Variants in ZNF438 observed in about 807,000 individuals in gnomAD.
The protein encoded by ZNF438 is zinc finger protein 438.
Under a neutral mutation model 38.0 loss-of-function variants are expected in ZNF438, and 25 were observed. That is an observed-to-expected ratio of 0.66 (90% CI 0.48 to 0.92). ZNF438 has a LOEUF of 0.92. Ranked by LOEUF, ZNF438 falls within the 40% of genes least tolerant of loss-of-function variation. ZNF438 has a pLI of 0.00. For missense variants in ZNF438, 1,007 were observed against 999.6 expected, an observed-to-expected ratio of 1.01 and a Z score of -0.10; for synonymous variants, 372 against 364.1, an observed-to-expected ratio of 1.02 and a Z score of -0.25.
At chr10:31,004,796 AGAAATGTG>A (rs972999658) in intron 1 of ZNF438, among the ~76,000 whole-genome samples, 11 of 152,338 alleles carry the variant, frequency 7.2e-5, no homozygotes, top group African/African-American at 2.4e-4. Flanking sequence ...AGTGATAAGT[AGAAATGTG>A]GGGGAGGGGG....
chr10:30,902,972 G>A (rs2042195684), intron 3 of ZNF438, among the ~76,000 whole-genome samples: 1 of 119,840 alleles, frequency 8.3e-6, no homozygotes, highest in African/African-American at 3.5e-5. Context: ...CTAAGGACCG[G>A]GGAGAAATCG....
chr10:30,865,858 CT>C (rs1422559426), intron 4 of ZNF438, among the ~76,000 whole-genome samples: 7 of 152,196 alleles, frequency 4.6e-5, no homozygotes, highest in Admixed American at 1.3e-4. Flanking sequence ...AGTTTCCTCT[CT>C]TTAGCAAGAG....
chr10:30,936,449 A>G (rs137998686), intron 2 of ZNF438, among the ~76,000 whole-genome samples: 12,067 of 152,060 alleles, frequency 0.079, 566 homozygotes, highest in Non-Finnish European at 0.11. Flanking sequence ...CAAGGCAGGC[A>G]GATCACCTGA....
intron 4 of ZNF438, among the ~76,000 whole-genome samples, chr10:30,855,181 G>C (rs899088384): frequency 1.3e-5 from 2 of 152,164 alleles, no homozygotes; most frequent in African/African-American, 4.8e-5. Context: ...AGGAAAAGGA[G>C]GCCACTGTGG....
At chr10:30,913,629 G>A (rs968551840) in intron 2 of ZNF438, among the ~76,000 whole-genome samples, 2 of 152,060 alleles carry the variant, frequency 1.3e-5, no homozygotes, top group African/African-American at 2.4e-5. Flanking sequence ...AAGTATCTTA[G>A]TCAGCCTAGA....
chr10:30,882,613 T>G (rs777211297), intron 3 of ZNF438, among the ~76,000 whole-genome samples: 1 of 152,220 alleles, frequency 6.6e-6, no homozygotes, highest in African/African-American at 2.4e-5. Context: ...TGATTCTACT[T>G]GCATAAGATT....
chr10:30,857,255 TTTC>T (rs1168267599), intron 4 of ZNF438, among the ~76,000 whole-genome samples: 350 of 128,836 alleles, frequency 2.7e-3, no homozygotes, highest in African/African-American at 9.1e-3. Flanking sequence ...TATTCTAAAA[TTTC>T]TTTTTTTTTT....
At chr10:30,951,660 G>C (rs1026490333) in intron 1 of ZNF438, among the ~76,000 whole-genome samples, 4 of 152,066 alleles carry the variant, frequency 2.6e-5, no homozygotes, top group African/African-American at 9.7e-5. Context: ...TTGCTTCAAA[G>C]AGAATAAAAT....
chr10:30,897,540 T>A (rs1185526298), intron 3 of ZNF438, among the ~76,000 whole-genome samples: 1 of 152,144 alleles, frequency 6.6e-6, no homozygotes, highest in Admixed American at 6.5e-5. Context: ...CCCTTAAATC[T>A]ATCACCACCC....
At chr10:30,999,994 T>C (rs2054481472) in intron 1 of ZNF438, among the ~76,000 whole-genome samples, 2 of 152,240 alleles carry the variant, frequency 1.3e-5, no homozygotes, top group African/African-American at 2.4e-5. Context: ...AAGGAATAGG[T>C]ATATTTTCTA....
chr10:30,855,423 G>A (rs1435602793), intron 4 of ZNF438, among the ~76,000 whole-genome samples: 1 of 152,200 alleles, frequency 6.6e-6, no homozygotes, highest in African/African-American at 2.4e-5. Flanking sequence ...AGAGTTTGTG[G>A]GGTGAAAAGA....
chr10:30,877,969 G>T (rs960444691), intron 3 of ZNF438, among the ~76,000 whole-genome samples: 1 of 152,138 alleles, frequency 6.6e-6, no homozygotes, highest in Non-Finnish European at 1.5e-5. Flanking sequence ...GAGTAACAGA[G>T]ACCAGATTCA....
chr10:30,952,190 C>T (rs1345949398), intron 1 of ZNF438, among the ~76,000 whole-genome samples: 1 of 151,536 alleles, frequency 6.6e-6, no homozygotes, highest in Non-Finnish European at 1.5e-5. Flanking sequence ...GGAAAACTGG[C>T]TAGACATATG....
intron 1 of ZNF438, among the ~76,000 whole-genome samples, chr10:30,961,234 TAATA>T (rs1412585444): frequency 9.2e-6 from 1 of 108,344 alleles, no homozygotes; most frequent in African/African-American, 3.1e-5. Context: ...ACTTAGAGTA[TAATA>T]AATAAAAAAA....
intron 1 of ZNF438, among the ~76,000 whole-genome samples, chr10:30,953,367 C>G (rs1298834930): frequency 6.6e-6 from 1 of 150,854 alleles, no homozygotes; most frequent in Non-Finnish European, 1.5e-5. Context: ...CTAACCTGCA[C>G]AATGTGCACA....
intron 1 of ZNF438, among the ~76,000 whole-genome samples, chr10:30,958,586 C>T (rs2049123956): frequency 6.8e-6 from 1 of 146,692 alleles, no homozygotes; most frequent in African/African-American, 2.4e-5. Flanking sequence ...AATCATTGTC[C>T]ATTGAACAGG....
rs183808305 is a variant in ZNF438, at chr10:30,981,617, C to T, written c.-191-39966G>A. On this transcript the variant is annotated intron_variant, in intron 1 of 5. Transcript: ENST00000413025. ...TTCAGGCCGGGCGTGATGGCTCACA[C>T]CTGTAATCCCAGCACTTTGGGAGGC... Among the ~76,000 whole-genome samples the T allele has an allele frequency of 1.6e-4, 25 of 152,308 alleles. No homozygotes were observed. The East Asian group carries it at 4.8e-3, about 29-fold the overall frequency.
intron 4 of ZNF438, among the ~76,000 whole-genome samples, chr10:30,875,680 C>G (rs1406858006): frequency 6.6e-6 from 1 of 152,180 alleles, no homozygotes; most frequent in African/African-American, 2.4e-5. Context: ...CCCTAGTGTT[C>G]CCGGCTGGAT....
intron 3 of ZNF438, among the ~76,000 whole-genome samples, chr10:30,894,883 C>A (rs184715600): frequency 2.0e-5 from 3 of 152,112 alleles, no homozygotes; most frequent in Admixed American, 2.0e-4. Context: ...TATAAATGGC[C>A]ATGTTGCTAG....
Sources: allele counts gnomAD v4.1 joint callset (sites outside exome capture counted in the v4.1 genomes callset), GRCh38; gene constraint gnomAD v4.1.1; transcripts MANE v1.5; gene names NCBI Gene and HGNC (gene_info 2026-07-23, HGNC 2026-07-21).